DUSP10: variants seen among roughly 807,000 people sequenced by gnomAD.
DUSP10 encodes dual specificity phosphatase 10, also known as dual specificity protein phosphatase 10.
DUSP10 carries 14 observed loss-of-function variants against 30.8 expected under a neutral mutation model. The observed-to-expected ratio is 0.46, with a 90% CI of 0.30 to 0.71. The LOEUF is 0.71. Ranked by LOEUF, DUSP10 falls within the 30% of genes least tolerant of loss-of-function variation. The pLI is 0.08. For missense variants in DUSP10, 550 were observed against 619.4 expected, an observed-to-expected ratio of 0.89 and a Z score of 1.19; for synonymous variants, 254 against 250.4, an observed-to-expected ratio of 1.01 and a Z score of -0.14.
intron 2 of DUSP10, among the ~76,000 whole-genome samples, chr1:221,716,462 T>C (rs933327657): frequency 2.0e-5 from 3 of 152,220 alleles, no homozygotes; most frequent in African/African-American, 7.2e-5. Flanking sequence ...TCAGAACAGA[T>C]GTTTCTGGTG....
At chr1:221,720,708 A>G (rs1378281221) in intron 2 of DUSP10, among the ~76,000 whole-genome samples, 1 of 152,200 alleles carries the variant, frequency 6.6e-6, no homozygotes, top group Non-Finnish European at 1.5e-5. Flanking sequence ...GTGTTCCGAA[A>G]GTATGGTAGG....
chr1:221,703,603 G>GA (rs1327451580), intron 3 of DUSP10, among the ~76,000 whole-genome samples: 1 of 152,184 alleles, frequency 6.6e-6, no homozygotes, highest in Non-Finnish European at 1.5e-5. Flanking sequence ...GAAGATGGAG[G>GA]AATCCCAGCA....
intron 1 of DUSP10, among the ~76,000 whole-genome samples, chr1:221,741,713 C>T (rs916468277): frequency 6.6e-6 from 1 of 151,740 alleles, no homozygotes; most frequent in Non-Finnish European, 1.5e-5. Context: ...TCCCAACAAA[C>T]CTCATTTTTT....
At chr1:221,730,343 G>C (rs1236574979) in intron 2 of DUSP10, among the ~76,000 whole-genome samples, 1 of 152,158 alleles carries the variant, frequency 6.6e-6, no homozygotes, top group Non-Finnish European at 1.5e-5. Flanking sequence ...TCAAAGGGAG[G>C]ACAGGCCTGA....
chr1:221,737,387 T>G, intron 2 of DUSP10: 1 of 985,408 alleles, frequency 1.0e-6, no homozygotes, highest in African/African-American at 1.7e-5. Context: ...TGTAAGAGGC[T>G]AGACACATCA....
chr1:221,723,834 T>C (rs1445942330), intron 2 of DUSP10, among the ~76,000 whole-genome samples: 2 of 152,358 alleles, frequency 1.3e-5, no homozygotes, highest in East Asian at 1.9e-4. Flanking sequence ...GTCCAGAGTT[T>C]TTATTGGGTT....
chr1:221,733,335 A>G (rs1340261997), intron 2 of DUSP10, among the ~76,000 whole-genome samples: 1 of 152,194 alleles, frequency 6.6e-6, no homozygotes, highest in African/African-American at 2.4e-5. Context: ...TGCTTTGAAA[A>G]CAGAAATAGG....
intron 2 of DUSP10, chr1:221,736,994 G>C (rs899405850): frequency 1.0e-6 from 1 of 985,382 alleles, no homozygotes; most frequent in African/African-American, 1.7e-5. Context: ...CTCTGACACT[G>C]AGGAAGAAGT....
chr1:221,713,302 G>A (rs964599665), intron 2 of DUSP10, among the ~76,000 whole-genome samples: 10 of 152,176 alleles, frequency 6.6e-5, no homozygotes, highest in African/African-American at 2.2e-4. Flanking sequence ...ACTGCCGGAG[G>A]AAGTGGCATG....
chr1:221,702,510 AGTTAAG>A lies in DUSP10; in HGVS notation c.1345_1350del (p.Leu449_Asn450del). The A allele has an allele frequency of 6.2e-7, 1 of 1,614,102 alleles. No individual in the cohort carries two copies. The highest frequency in any genetic ancestry group is 8.5e-7 in the Non-Finnish European group (1 of 1,180,016). ...TCGAACTCTAGCAACTGCCCCATGA[AGTTAAG>A]GTTTGGGGAGATAATTGGTCGTTTG... On this transcript the variant is annotated inframe_deletion, in exon 4 of 4. Transcript: ENST00000366899. This position sits in a 1 kb window ranked among gnomAD's most constrained non-coding sequence, Gnocchi z 4.5.
Position 221,742,030 on chromosome 1 carries a change from G to A in DUSP10, c.-93C>T, listed in dbSNP as rs1413288272. On this transcript the variant is annotated 5_prime_UTR_variant, in exon 1 of 4. Transcript: ENST00000366899. ...CCATCTGGCGCTCCTCTTCAGCTAT[G>A]GACTCGCACATTCAGCCCCCATTCA... The A allele has an allele frequency of 6.6e-6, 1 of 152,330 alleles. No homozygotes were observed. The highest frequency in any genetic ancestry group is 1.9e-4 in the East Asian group (1 of 5,200). The allele number at this position is 152,330 out of a possible 1,614,324, so 9.4% of individuals were successfully genotyped here. A position where few individuals can be genotyped will look rare whatever the true frequency, so the allele number is the denominator to read the frequency against.
rs1661969258 is a variant in DUSP10, at chr1:221,742,007, A to G, written c.-70T>C. On this transcript the variant is annotated 5_prime_UTR_variant, in exon 1 of 4. The change abolishes an upstream ATG in the 5' untranslated region. Transcript: ENST00000366899. Reference sequence around the variant, plus strand: ...TCATAAATAAGTGTATTCCTCCACCATCTGGCGCTCCTCTTCAGCTATGGA... The same window carrying G: ...TCATAAATAAGTGTATTCCTCCACCGTCTGGCGCTCCTCTTCAGCTATGGA... 1 of 152,100 alleles carries G rather than the reference A, an allele frequency of 6.6e-6. No individual in the cohort carries two copies. The highest frequency in any genetic ancestry group is 2.4e-5 in the African/African-American group (1 of 41,394). 9.4% of individuals were successfully genotyped at this position (152,100 alleles called of 1,614,324 possible).
intron 3 of DUSP10, among the ~76,000 whole-genome samples, chr1:221,704,316 T>TA (rs10543773): frequency 0.086 from 11,543 of 134,320 alleles, 1,262 homozygotes; most frequent in African/African-American, 0.25. Flanking sequence ...TTGTTTTCCT[T>TA]AAAAAAAAAA....
At chr1:221,726,979 G>A (rs536206171) in intron 2 of DUSP10, among the ~76,000 whole-genome samples, 1 of 152,190 alleles carries the variant, frequency 6.6e-6, no homozygotes, top group East Asian at 1.9e-4. Context: ...ATTGTTCAAA[G>A]CACTTCTACA....
At chr1:221,718,105 T>TGGTGGG (rs1423444297) in intron 2 of DUSP10, among the ~76,000 whole-genome samples, 1 of 2,034 alleles carries the variant, frequency 4.9e-4, no homozygotes, top group African/African-American at 1.9e-3. Flanking sequence ...GGTGGCAGGG[T>TGGTGGG]GGTGGGGGTG....
At chr1:221,711,880 T>C (rs1440589297) in intron 2 of DUSP10, 1 of 152,230 alleles carries the variant, frequency 6.6e-6, no homozygotes, top group Non-Finnish European at 1.5e-5. Context: ...CTCAAGATTC[T>C]ATAAGCACAA....
In DUSP10 at chr1:221,702,790, T is replaced by A; in HGVS notation, c.1184-113A>T. On this transcript the variant is annotated intron_variant, in intron 3 of 3. Transcript: ENST00000366899. This position sits in a 1 kb window ranked among gnomAD's most constrained non-coding sequence, Gnocchi z 4.5. ...CTTATTTTGTATAGAAATAATGAAT[T>A]AAAACAGTTTTAAAGCCAAGTATAA... 2 of 1,143,366 alleles carry A rather than the reference T, an allele frequency of 1.7e-6. No homozygotes were observed. Among genetic ancestry groups the A allele is most frequent in the Non-Finnish European group, 2.4e-6 (2 of 821,516 alleles). The allele number at this position is 1,143,366 out of a possible 1,614,324, so 70.8% of individuals were successfully genotyped here.
At chr1:221,728,102 C>CT (rs1661478004) in intron 2 of DUSP10, among the ~76,000 whole-genome samples, 1 of 152,202 alleles carries the variant, frequency 6.6e-6, no homozygotes, top group Non-Finnish European at 1.5e-5. Flanking sequence ...TTCTCACTGT[C>CT]TTACACACTT....
chr1:221,724,890 T>C (rs1661381770), intron 2 of DUSP10, among the ~76,000 whole-genome samples: 1 of 152,174 alleles, frequency 6.6e-6, no homozygotes, highest in African/African-American at 2.4e-5. Flanking sequence ...ATCGATTAAC[T>C]ACAGCATGCT....
Sources: allele counts gnomAD v4.1 joint callset (sites outside exome capture counted in the v4.1 genomes callset), GRCh38; gene constraint gnomAD v4.1.1; non-coding constraint Gnocchi (gnomAD v3.1); transcripts MANE v1.5; gene names NCBI Gene and HGNC (gene_info 2026-07-23, HGNC 2026-07-21).